The following COA1 variants were observed in gnomAD, a reference collection of about 807,000 sequenced individuals.
The protein encoded by COA1 is cytochrome c oxidase assembly factor 1 homolog.
Under a neutral mutation model 16.0 loss-of-function variants are expected in COA1, and 13 were observed. The ratio of observed to expected loss-of-function variants is 0.81; its 90% CI spans 0.53 to 1.29. The LOEUF is 1.29. Among genes scored for constraint, COA1 ranks in the 50% most tolerant of loss-of-function variants. COA1 has a pLI of 0.00. For missense variants in COA1, 179 were observed against 177.0 expected (o/e 1.01, Z -0.06); for synonymous variants, 65 against 65.7 (o/e 0.99, Z 0.05).
At chr7:43,620,322 T>A (rs28406682) in intron 6 of COA1, among the ~76,000 whole-genome samples, 29,177 of 152,140 alleles carry the variant, frequency 0.19, 3,026 homozygotes, top group East Asian at 0.32. Flanking sequence ...TTGATGGTCT[T>A]TTTAAGGTAT....
chr7:43,690,376 G>A (rs1297680925), intron 1 of COA1, among the ~76,000 whole-genome samples: 1 of 151,758 alleles, frequency 6.6e-6, no homozygotes, highest in African/African-American at 2.4e-5. Flanking sequence ...TCAACGAGTG[G>A]ATAAAGAAAA....
rs553487649 is a variant in COA1 at position 43,617,004 on chromosome 7, C to T, written c.*134-7509G>A. ...TCACTACCATCTTAGGCCTTCTCAC[C>T]AAGTTGAGACTAGGCAAAGAAGAAC... is the stretch of plus-strand genomic sequence containing the variant. On this transcript the variant is annotated intron_variant and NMD_transcript_variant, in intron 6 of 6. Coordinates refer to the COA1 transcript ENST00000415076. Among the ~76,000 whole-genome samples, 18 of 152,314 alleles carry T rather than the reference C, an allele frequency of 1.2e-4. No homozygotes were observed. In the South Asian group the frequency reaches 3.7e-3, roughly 32 times the overall value.
intron 6 of COA1, chr7:43,631,003 T>C (rs1231554602): frequency 6.6e-6 from 1 of 152,210 alleles, no homozygotes; most frequent in Non-Finnish European, 1.5e-5. Flanking sequence ...GAAAGTCTAT[T>C]GTATTTACCC....
intron 6 of COA1, among the ~76,000 whole-genome samples, chr7:43,627,921 T>C (rs2084744870): frequency 6.6e-6 from 1 of 152,168 alleles, no homozygotes; most frequent in South Asian, 2.1e-4. Flanking sequence ...TAACTCAGCA[T>C]GATGTCTTTG....
At chr7:43,695,684 T>C (rs1381606446) in intron 1 of COA1, among the ~76,000 whole-genome samples, 1 of 151,152 alleles carries the variant, frequency 6.6e-6, no homozygotes, top group Non-Finnish European at 1.5e-5. Context: ...ATACCAATCA[T>C]ATGCCAAAAA....
intron 4 of COA1, among the ~76,000 whole-genome samples, chr7:43,644,791 C>CAGGCAGACAGAGAGAGAGAGAGAGAG (rs2088628490): frequency 8.4e-5 from 2 of 23,724 alleles, no homozygotes; most frequent in African/African-American, 3.0e-4. Flanking sequence ...GGCAGGCAGG[C>CAGGCAGACAGAGAGAGAGAGAGAGAG]AGAGAGACAG....
At chr7:43,677,750 G>A (rs1347608113) in intron 1 of COA1, among the ~76,000 whole-genome samples, 1 of 135,172 alleles carries the variant, frequency 7.4e-6, no homozygotes, top group African/African-American at 2.9e-5. Context: ...AGTGAGCCAA[G>A]ATCATATACC....
chr7:43,637,704 G>C (rs1286680127), downstream of COA1, among the ~76,000 whole-genome samples: 1 of 152,190 alleles, frequency 6.6e-6, no homozygotes, highest in East Asian at 1.9e-4. Flanking sequence ...GGAAGTAAAT[G>C]TGAACAGAAA....
intron 1 of COA1, among the ~76,000 whole-genome samples, chr7:43,698,404 A>C (rs1799078): frequency 0.71 from 107,638 of 152,040 alleles, 38,593 homozygotes; most frequent in African/African-American, 0.84. Context: ...GAGGTATAAG[A>C]CCAGCTCATT....
chr7:43,718,581 C>T (rs1181540756), intron 1 of COA1, among the ~76,000 whole-genome samples: 1 of 152,184 alleles, frequency 6.6e-6, no homozygotes, highest in Admixed American at 6.5e-5. Flanking sequence ...AGAAACATAA[C>T]TTTATCCAGA....
chr7:43,652,146 C>G (rs2090949359), intron 1 of COA1, among the ~76,000 whole-genome samples: 1 of 152,188 alleles, frequency 6.6e-6, no homozygotes, highest in Non-Finnish European at 1.5e-5. Flanking sequence ...ATACTGGGAA[C>G]AAAGCACATA....
Position 43,639,580 on chromosome 7 carries a change from C to A in COA1, c.*2G>T. ...AAGCAAGCTGGGTCTTCTGGGTCGT[C>A]TCTACTCCTTTTTCACTTCATCACC... is the stretch of plus-strand genomic sequence containing the variant. On this transcript the variant is annotated 3_prime_UTR_variant, in exon 6 of 6. Coordinates refer to ENST00000223336, the MANE Select transcript of COA1 (RefSeq NM_018224.4). 1 of 1,613,096 alleles carries A rather than the reference C, an allele frequency of 6.2e-7. No homozygotes were observed. Among genetic ancestry groups the A allele is most frequent in the Non-Finnish European group, 8.5e-7 (1 of 1,179,166 alleles).
intron 4 of COA1, chr7:43,641,898 A>G (rs1340726469): frequency 6.6e-6 from 1 of 152,248 alleles, no homozygotes; most frequent in Non-Finnish European, 1.5e-5. Flanking sequence ...GGCACAGTTA[A>G]TAAGGAAGCC....
At chr7:43,714,342 T>C (rs849188) in intron 1 of COA1, among the ~76,000 whole-genome samples, 65,849 of 151,950 alleles carry the variant, frequency 0.43, 14,727 homozygotes, top group African/African-American at 0.55. Context: ...AAATTATATA[T>C]TGAGGCTGGG....
chr7:43,703,187 T>C (rs556387024), intron 1 of COA1, among the ~76,000 whole-genome samples: 1 of 152,208 alleles, frequency 6.6e-6, no homozygotes, highest in Non-Finnish European at 1.5e-5. Flanking sequence ...TTTATTGCAC[T>C]GTGGTCTGAC....
chr7:43,611,566 C>T (rs2082880693), intron 6 of COA1, among the ~76,000 whole-genome samples: 1 of 152,094 alleles, frequency 6.6e-6, no homozygotes, highest in African/African-American at 2.4e-5. Context: ...GTGTCATATG[C>T]ATAAGAAGTT....
chr7:43,624,915 A>G (rs1291621974), intron 6 of COA1: 4 of 1,298,294 alleles, frequency 3.1e-6, no homozygotes, highest in African/African-American at 3.0e-5. Flanking sequence ...CTCTGGCCAA[A>G]TGGTACATGT....
chr7:43,687,027 A>C (rs563040206), intron 1 of COA1, among the ~76,000 whole-genome samples: 2 of 152,248 alleles, frequency 1.3e-5, no homozygotes, highest in Admixed American at 1.3e-4. Flanking sequence ...TATAATCAAT[A>C]GTCTTACTGT....
chr7:43,639,914 A>AG (rs1339529200), intron 5 of COA1, among the ~76,000 whole-genome samples: 1 of 152,216 alleles, frequency 6.6e-6, no homozygotes, highest in Admixed American at 6.5e-5. Context: ...GGCGAATGGA[A>AG]GGGACATCAG....
Sources: gnomAD v4.1 joint callset for allele counts (sites outside exome capture counted in the v4.1 genomes callset) on GRCh38, gnomAD v4.1.1 for gene constraint, MANE v1.5 for transcripts, NCBI Gene and HGNC (gene_info 2026-07-23, HGNC 2026-07-21) for gene names.